The following MUSK variants were observed in gnomAD, a reference collection of about 807,000 sequenced individuals.
MUSK encodes muscle associated receptor tyrosine kinase, also known as muscle, skeletal receptor tyrosine-protein kinase.
A neutral mutation model predicts 88.7 loss-of-function variants in MUSK; 55 were observed. The observed-to-expected ratio is 0.62, with a 90% CI of 0.50 to 0.78. MUSK has a LOEUF of 0.78. Among genes scored for constraint, MUSK ranks in the 30% least tolerant of loss-of-function variants. The pLI is 0.00. For synonymous variants in MUSK, 387 were observed against 391.9 expected (o/e 0.99, Z 0.15); for missense variants, 1,015 against 1,074.3 (o/e 0.94, Z 0.77).
intron 7 of MUSK, among the ~76,000 whole-genome samples, chr9:110,760,474 A>G (rs2077382726): frequency 6.6e-6 from 1 of 152,126 alleles, no homozygotes; most frequent in Non-Finnish European, 1.5e-5. Flanking sequence ...GAAACTAAAT[A>G]CTGCATGTTC....
In MUSK at chr9:110,668,985, T is replaced by G. The variant is rs200783529; in HGVS notation, c.79+2T>G. ...GCGGAACTGAGAAACTTCCAAAAGGTTGGTTTGAGCAATCGTGTCTTCTTG... is the reference window on the plus strand; with the variant it reads ...GCGGAACTGAGAAACTTCCAAAAGGGTGGTTTGAGCAATCGTGTCTTCTTG... On this transcript the variant is annotated splice_donor_variant, in intron 1 of 14. Coordinates refer to ENST00000374448, the MANE Select transcript of MUSK (RefSeq NM_005592.4). LOFTEE classifies it high-confidence loss of function. The G allele has an allele frequency of 1.7e-5, 27 of 1,612,322 alleles. No homozygotes were observed. Among genetic ancestry groups the G allele is most frequent in the Non-Finnish European group, 1.7e-5 (20 of 1,178,586 alleles).
At position 110,806,544 on chromosome 9, in the gene MUSK, T is replaced by C. The variant is rs888793302; in HGVS notation, c.*5556T>C. 6.6e-6 allele frequency among the ~76,000 whole-genome samples: 1 copy of C among 152,206 alleles called. No homozygotes were observed. The highest frequency in any genetic ancestry group is 1.5e-5 in the Non-Finnish European group (1 of 68,016). ...AAAAACAAAAATAAAATATCTGCAA[T>C]TATGTGATCATGTATTTATGCATTG... On this transcript the variant is annotated 3_prime_UTR_variant, in exon 15 of 15. Coordinates refer to ENST00000374448, the MANE Select transcript of MUSK (RefSeq NM_005592.4).
intron 3 of MUSK, among the ~76,000 whole-genome samples, chr9:110,692,948 T>C (rs1025345390): frequency 2.0e-5 from 3 of 152,138 alleles, no homozygotes; most frequent in African/African-American, 7.2e-5. Flanking sequence ...TAAATATACA[T>C]GGAGTGTTCA....
chr9:110,766,530 G>A (rs2077487901), intron 8 of MUSK, among the ~76,000 whole-genome samples: 1 of 152,134 alleles, frequency 6.6e-6, no homozygotes, highest in Admixed American at 6.5e-5. Flanking sequence ...TTGTTTTAAA[G>A]TATAGCTGTG....
chr9:110,683,600 C>T (rs761417287), intron 2 of MUSK, among the ~76,000 whole-genome samples: 2 of 150,990 alleles, frequency 1.3e-5, no homozygotes, highest in Non-Finnish European at 3.0e-5. Context: ...CCCACATCAA[C>T]AGTGTACAAG....
At chr9:110,692,521 A>AT (rs1318665568) in intron 3 of MUSK, among the ~76,000 whole-genome samples, 1 of 151,666 alleles carries the variant, frequency 6.6e-6, no homozygotes, top group Non-Finnish European at 1.5e-5. Context: ...AGAAAGGTAC[A>AT]TTTTCTCTAT....
intron 1 of MUSK, among the ~76,000 whole-genome samples, chr9:110,682,184 A>T (rs1217254240): frequency 6.6e-6 from 1 of 152,094 alleles, no homozygotes; most frequent in African/African-American, 2.4e-5. Context: ...GCCCTTTCTA[A>T]GACCCTCAGT....
intron 3 of MUSK, among the ~76,000 whole-genome samples, chr9:110,689,425 A>G (rs934053994): frequency 4.0e-4 from 44 of 110,638 alleles, no homozygotes; most frequent in Non-Finnish European, 6.6e-4. Context: ...TATATAATAT[A>G]TGTAAAAAAT....
intron 14 of MUSK, 73 bp downstream of exon 14, chr9:110,787,911 G>A (rs554397639): frequency 2.2e-4 from 335 of 1,518,226 alleles, no homozygotes; most frequent in Admixed American, 1.7e-3. Flanking sequence ...CCCCTTGTTC[G>A]TGCTTTTTCC....
At chr9:110,797,139 TA>T (rs869274627) in intron 14 of MUSK, among the ~76,000 whole-genome samples, 2 of 24,966 alleles carry the variant, frequency 8.0e-5, no homozygotes, top group Non-Finnish European at 1.5e-4. Flanking sequence ...AAATAAAAAA[TA>T]AAAAATAAAT....
chr9:110,761,130 GAAT>G (rs1220286808), intron 7 of MUSK, among the ~76,000 whole-genome samples: 2 of 152,180 alleles, frequency 1.3e-5, no homozygotes, highest in Non-Finnish European at 2.9e-5. Context: ...AAAGAAAATG[GAAT>G]AATTCAGAAA....
chr9:110,770,609 T>A (rs1213566244), intron 9 of MUSK, among the ~76,000 whole-genome samples: 1 of 151,050 alleles, frequency 6.6e-6, no homozygotes, highest in African/African-American at 2.4e-5. Flanking sequence ...ATCAGAATGA[T>A]GCTAAGTTTA....
chr9:110,705,788 C>T (rs1017731701), intron 5 of MUSK, among the ~76,000 whole-genome samples: 3 of 152,194 alleles, frequency 2.0e-5, no homozygotes, highest in Non-Finnish European at 2.9e-5. Context: ...TTCAGTCTCA[C>T]AACTGTGGAG....
At chr9:110,705,219 A>G (rs547932514) in intron 5 of MUSK, among the ~76,000 whole-genome samples, 4 of 152,166 alleles carry the variant, frequency 2.6e-5, no homozygotes, top group East Asian at 3.9e-4. Flanking sequence ...CTGTTGCTCC[A>G]TTGATCTCCA....
At chr9:110,689,622 TA>T (rs1342983937) in intron 3 of MUSK, among the ~76,000 whole-genome samples, 1 of 79,362 alleles carries the variant, frequency 1.3e-5, no homozygotes, top group African/African-American at 4.8e-5. Context: ...TTAGTATATA[TA>T]TTATATATTA....
At chr9:110,763,566 G>T (rs2077432347) in intron 8 of MUSK, among the ~76,000 whole-genome samples, 1 of 152,296 alleles carries the variant, frequency 6.6e-6, no homozygotes, top group Non-Finnish European at 1.5e-5. Context: ...GTTCCCGTTT[G>T]CTTTGAAGGT....
At chr9:110,763,089 AC>A (rs1564274767) in intron 8 of MUSK, among the ~76,000 whole-genome samples, 1 of 152,118 alleles carries the variant, frequency 6.6e-6, no homozygotes, top group African/African-American at 2.4e-5. Flanking sequence ...AATAAAAAAA[AC>A]AGTTTTTTTT....
At position 110,682,909 on chromosome 9, in the gene MUSK, T is replaced by C. The variant is rs984419109; in HGVS notation, c.206+109T>C. 6.0e-5 allele frequency: 44 copies of C among 732,078 alleles called. No homozygotes were observed. The African/African-American group carries it at 7.3e-4, about 12-fold the overall frequency. 45.3% of individuals were successfully genotyped at this position (732,078 alleles called of 1,614,324 possible). The stretch of plus-strand genomic sequence containing the variant: ...GAGATGTTTTGATACAGGCATGCAA[T>C]GTAAAATAAGTACCTCATGGAGAAT... On this transcript the variant is annotated intron_variant, in intron 2 of 14. Coordinates refer to ENST00000374448, the MANE Select transcript of MUSK (RefSeq NM_005592.4).
chr9:110,776,522 A>T, intron 10 of MUSK, 110 bp from the exon 11 acceptor site: 2 of 857,512 alleles, frequency 2.3e-6, no homozygotes, highest in Non-Finnish European at 1.9e-6. Flanking sequence ...TTCCAGTTGT[A>T]TATTAAAAAG....
Sources: gnomAD v4.1 joint callset for allele counts (sites outside exome capture counted in the v4.1 genomes callset) on GRCh38, gnomAD v4.1.1 for gene constraint, MANE v1.5 for transcripts, NCBI Gene and HGNC (gene_info 2026-07-23, HGNC 2026-07-21) for gene names.